Variants in CDH12 observed in about 807,000 individuals in gnomAD.
The protein encoded by CDH12 is cadherin-12.
Under a neutral mutation model 74.1 loss-of-function variants are expected in CDH12, and 41 were observed. The ratio of observed to expected loss-of-function variants is 0.55; its 90% confidence interval spans 0.43 to 0.72. CDH12 has a LOEUF of 0.72. Ranked by LOEUF, CDH12 falls within the 30% of genes least tolerant of loss-of-function variation. The pLI is 0.00. For synonymous variants in CDH12, 399 were observed against 355.0 expected, an observed-to-expected ratio of 1.12 and a Z score of -1.39; for missense variants, 945 against 977.2, an observed-to-expected ratio of 0.97 and a Z score of 0.44.
intron 2 of CDH12, among the ~76,000 whole-genome samples, chr5:22,482,963 A>T (rs1300992885): frequency 6.6e-6 from 1 of 152,176 alleles, no homozygotes; most frequent in East Asian, 1.9e-4. Flanking sequence ...TCATTTGCCT[A>T]GCTGGTAATT....
At chr5:22,189,579 A>G (rs1287631857) in intron 4 of CDH12, among the ~76,000 whole-genome samples, 1 of 152,036 alleles carries the variant, frequency 6.6e-6, no homozygotes, top group African/African-American at 2.4e-5. Flanking sequence ...GTACAATTCT[A>G]TTTCTTTTAT....
chr5:22,710,416 G>A (rs1206622153), intron 1 of CDH12, among the ~76,000 whole-genome samples: 1 of 152,142 alleles, frequency 6.6e-6, no homozygotes, highest in Non-Finnish European at 1.5e-5. Flanking sequence ...AAAGTACACG[G>A]CAGCTGGTGT....
intron 4 of CDH12, among the ~76,000 whole-genome samples, chr5:22,210,522 G>C (rs6863850): frequency 2.0e-5 from 3 of 150,580 alleles, no homozygotes; most frequent in African/African-American, 7.3e-5. Context: ...TCAGGGGTAC[G>C]TATGGTTGTT....
chr5:22,599,075 C>A (rs138156611), intron 1 of CDH12, among the ~76,000 whole-genome samples: 1 of 152,252 alleles, frequency 6.6e-6, no homozygotes, highest in Non-Finnish European at 1.5e-5. Context: ...ATGTTTGATG[C>A]CTTTCTCATG....
At chr5:22,488,081 G>T (rs565123494) in intron 2 of CDH12, among the ~76,000 whole-genome samples, 5 of 152,290 alleles carry the variant, frequency 3.3e-5, no homozygotes, top group Middle Eastern at 3.4e-3. Context: ...TCATAGGAAA[G>T]TACTTTGTAA....
chr5:22,285,893 C>T (rs2150410081), intron 3 of CDH12, among the ~76,000 whole-genome samples: 1 of 152,146 alleles, frequency 6.6e-6, no homozygotes, highest in South Asian at 2.1e-4. Flanking sequence ...AGTGAACTCC[C>T]TGCTTCATGG....
At chr5:22,643,883 A>G (rs1386500503) in intron 1 of CDH12, among the ~76,000 whole-genome samples, 1 of 151,624 alleles carries the variant, frequency 6.6e-6, no homozygotes, top group Non-Finnish European at 1.5e-5. Context: ...TGTTTCAAAC[A>G]TTTTCACTAT....
intron 3 of CDH12, among the ~76,000 whole-genome samples, chr5:22,366,174 G>A (rs1283351120): frequency 1.3e-5 from 2 of 152,112 alleles, no homozygotes; most frequent in East Asian, 1.9e-4. Flanking sequence ...GACCAGGCTG[G>A]TGTTGAACTC....
At chr5:22,413,893 T>G (rs571654671) in intron 2 of CDH12, among the ~76,000 whole-genome samples, 148 of 152,134 alleles carry the variant, frequency 9.7e-4, no homozygotes, top group African/African-American at 3.5e-3. Flanking sequence ...TCACACATAA[T>G]ATTGAATGCC....
chr5:22,443,214 T>C (rs1176306203), intron 2 of CDH12, among the ~76,000 whole-genome samples: 1 of 152,068 alleles, frequency 6.6e-6, no homozygotes, highest in Non-Finnish European at 1.5e-5. Flanking sequence ...GTATGTGTGA[T>C]TTGCTTCCTA....
chr5:22,820,054 T>C (rs1394251826), intron 1 of CDH12, among the ~76,000 whole-genome samples: 2 of 148,242 alleles, frequency 1.3e-5, no homozygotes, highest in Non-Finnish European at 3.0e-5. Flanking sequence ...TACATATACA[T>C]TGAGACCTAA....
Position 21,802,371 on chromosome 5 carries a change from G to C in CDH12, c.1052C>G (p.Ser351Cys). The C allele has an allele frequency of 1.9e-6, 3 of 1,613,694 alleles. No individual in the cohort carries two copies. The highest frequency in any genetic ancestry group is 2.5e-6 in the Non-Finnish European group (3 of 1,179,840). ...KKAYTFKVEA[S>C]NLHLDHRFHS... ...AAACCGGTGGTCAAGGTGAAGGTTG[G>C]AAGCCTCAACTTTGAAAGTGTATGC... The change falls in exon 10 of 15, where the codon TCC becomes TGC. Residue 351 changes from serine to cysteine, a missense_variant. Ser to Cys is a moderately radical substitution (Grantham distance 112). Transcript: ENST00000382254.
At chr5:22,487,310 T>C (rs1174338053) in intron 2 of CDH12, among the ~76,000 whole-genome samples, 3 of 152,212 alleles carry the variant, frequency 2.0e-5, no homozygotes, top group African/African-American at 7.2e-5. Flanking sequence ...CCAATGCATA[T>C]ATTTTGAACA....
chr5:22,813,454 G>A (rs1028869496), intron 1 of CDH12, among the ~76,000 whole-genome samples: 1 of 151,940 alleles, frequency 6.6e-6, no homozygotes, highest in Non-Finnish European at 1.5e-5. Flanking sequence ...TCATCTCTGT[G>A]GTGAAAAAAT....
At chr5:22,458,509 C>T (rs1027573712) in intron 2 of CDH12, among the ~76,000 whole-genome samples, 2 of 152,050 alleles carry the variant, frequency 1.3e-5, no homozygotes, top group South Asian at 2.1e-4. Context: ...CACATTCTGG[C>T]TCTAGAGAAA....
At chr5:21,758,884 A>G (rs547375551) in intron 13 of CDH12, among the ~76,000 whole-genome samples, 1 of 152,282 alleles carries the variant, frequency 6.6e-6, no homozygotes, top group Admixed American at 6.5e-5. Flanking sequence ...ACGAAACACC[A>G]TATACTCTTA....
intron 6 of CDH12, among the ~76,000 whole-genome samples, chr5:21,918,023 A>T (rs1754178572): frequency 6.6e-6 from 1 of 152,186 alleles, no homozygotes; most frequent in African/African-American, 2.4e-5. Context: ...CATTAAAGTC[A>T]CAATGTTACC....
chr5:22,809,404 C>A lies in CDH12; in HGVS notation c.-523+43654G>T, dbSNP rs939503855. Among the ~76,000 whole-genome samples, 5 of 151,448 alleles carry A rather than the reference C, an allele frequency of 3.3e-5. No homozygotes were observed. The South Asian group carries it at 1.0e-3, about 32-fold the overall frequency. ...TATATAAAATATAAAATATAGGGAT[C>A]TTATAAAGAACATATTCTAGAAATA... is the stretch of plus-strand genomic sequence containing the variant. On this transcript the variant is annotated intron_variant, in intron 1 of 14. Transcript: ENST00000382254.
At chr5:22,352,575 C>A (rs1048165123) in intron 3 of CDH12, among the ~76,000 whole-genome samples, 2 of 152,020 alleles carry the variant, frequency 1.3e-5, no homozygotes, top group African/African-American at 2.4e-5. Flanking sequence ...AGAGAGACAA[C>A]GTTATAAATT....
Sources: gnomAD v4.1 joint callset for allele counts (sites outside exome capture counted in the v4.1 genomes callset) on GRCh38, gnomAD v4.1.1 for gene constraint, MANE v1.5 for transcripts, NCBI Gene and HGNC (gene_info 2026-07-23, HGNC 2026-07-21) for gene names.